The following DCLK1 variants were observed in gnomAD, a reference collection of about 807,000 sequenced individuals.
The protein encoded by DCLK1 is doublecortin like kinase 1, also known as serine/threonine-protein kinase DCLK1.
In DCLK1, 16 loss-of-function variants were observed where a neutral mutation model predicts 86.2. That is an observed-to-expected ratio of 0.19 (90% CI 0.13 to 0.28). The LOEUF (loss-of-function observed/expected upper bound fraction) is 0.28, where lower values mean the gene tolerates loss of function less well. Ranked by LOEUF, DCLK1 falls within the 10% of genes least tolerant of loss-of-function variation. DCLK1 has a pLI of 1.00. For synonymous variants in DCLK1, 369 were observed against 370.5 expected, an observed-to-expected ratio of 1.00 and a Z score of 0.05; for missense variants, 590 against 940.2, an observed-to-expected ratio of 0.63 and a Z score of 4.87.
rs189307163 is a variant in DCLK1 at position 36,046,718 on chromosome 13, G to A, written c.723+65151C>T. Among the ~76,000 whole-genome samples, 6 of 152,250 alleles carry A rather than the reference G, an allele frequency of 3.9e-5. No homozygotes were observed. In the East Asian group the frequency reaches 5.8e-4, roughly 15 times the overall value. On this transcript the variant is annotated intron_variant, in intron 3 of 16. Coordinates refer to ENST00000360631, the MANE Select transcript of DCLK1 (RefSeq NM_001330071.2). ...TCATTTCCCATTTTTAGTAACTCTC[G>A]ACTTAAAATATATGAAATAACTAAC... is the stretch of plus-strand genomic sequence containing the variant.
intron 4 of DCLK1, among the ~76,000 whole-genome samples, chr13:35,878,255 T>A (rs1488439700): frequency 6.6e-6 from 1 of 152,204 alleles, no homozygotes; most frequent in Non-Finnish European, 1.5e-5. Context: ...ATTTTCATAC[T>A]TCGCAGCAGC....
At chr13:35,909,880 T>C (rs1408860983) in intron 4 of DCLK1, among the ~76,000 whole-genome samples, 1 of 147,648 alleles carries the variant, frequency 6.8e-6, no homozygotes, top group African/African-American at 2.4e-5. Flanking sequence ...CATGAGACTT[T>C]GCCTCTCTCA....
intron 3 of DCLK1, among the ~76,000 whole-genome samples, chr13:36,056,037 C>T (rs1234931094): frequency 6.7e-6 from 1 of 148,962 alleles, no homozygotes; most frequent in Non-Finnish European, 1.5e-5. Flanking sequence ...ACTAGTTCAA[C>T]CATTGTGGAA....
In DCLK1 at chr13:35,772,627, A is replaced by C. The variant is rs2086352946; in HGVS notation, c.*1908T>G. On this transcript the variant is annotated 3_prime_UTR_variant, in exon 17 of 17. Coordinates refer to ENST00000360631, the MANE Select transcript of DCLK1 (RefSeq NM_001330071.2). ...CTCAACTAATTTACTGATTTATGCT[A>C]CTTTGTGATTTTGCGTGTTATCACT... 1 of 150,772 alleles carries C rather than the reference A, an allele frequency of 6.6e-6. No homozygotes were observed. The allele number at this position is 150,772 out of a possible 1,614,324, so 9.3% of individuals were successfully genotyped here.
intron 8 of DCLK1, 73 bp downstream of exon 8, chr13:35,835,960 T>C (rs1869338532): frequency 1.8e-6 from 2 of 1,125,692 alleles, no homozygotes; most frequent in South Asian, 1.5e-5. Context: ...AGACTGGAAA[T>C]AGAGACACAA....
chr13:35,996,415 G>A (rs1384735051), intron 3 of DCLK1, among the ~76,000 whole-genome samples: 3 of 152,208 alleles, frequency 2.0e-5, no homozygotes, highest in African/African-American at 7.2e-5. Flanking sequence ...CAGGTATGTA[G>A]TCAAGCACTA....
intron 3 of DCLK1, among the ~76,000 whole-genome samples, chr13:36,088,240 GT>G (rs1188547453): frequency 1.3e-5 from 2 of 152,206 alleles, no homozygotes; most frequent in African/African-American, 4.8e-5. Flanking sequence ...GGTGTGGCTG[GT>G]GCTGCAGACC....
rs201694528 is a variant in DCLK1, at chr13:36,125,934, G to A, written c.204C>T (p.Tyr68=). 8 of 1,614,216 alleles carry A rather than the reference G, an allele frequency of 5.0e-6. No homozygotes were observed. The African/African-American group carries it at 8.0e-5, about 16-fold the overall frequency. The change falls in exon 2 of 17, where the codon TAC becomes TAT. Residue 68 remains tyrosine (Y), a synonymous_variant. Coordinates refer to ENST00000360631, the MANE Select transcript of DCLK1 (RefSeq NM_001330071.2). ...KVRFYRNGDR[Y]FKGIVYAISP... ...AGATGGCATACACAATCCCTTTGAAGTATCGATCTCCGTTTCGATAGAAAC... is the reference window on the plus strand; with the variant it reads ...AGATGGCATACACAATCCCTTTGAAATATCGATCTCCGTTTCGATAGAAAC...
Position 35,868,242 on chromosome 13 carries a change from C to T in DCLK1, c.940+2982G>A, listed in dbSNP as rs879663924. ...TTCACTGTGTTAGCCAGGATGGTCT[C>T]GATCTCCTGACCTCATGATCCGCCT... On this transcript the variant is annotated intron_variant, in intron 5 of 16. Transcript: ENST00000360631. 4.3e-4 allele frequency among the ~76,000 whole-genome samples: 65 copies of T among 151,870 alleles called. 1 individual carries two copies. Among genetic ancestry groups the T allele is most frequent in the Admixed American group, 3.2e-3 (49 of 15,246 alleles).
At chr13:35,987,150 G>A (rs919489318) in intron 3 of DCLK1, among the ~76,000 whole-genome samples, 16 of 152,130 alleles carry the variant, frequency 1.1e-4, no homozygotes, top group African/African-American at 2.9e-4. Flanking sequence ...GGCTGGGAGC[G>A]GTGGCTCACG....
At chr13:35,842,625 T>C (rs1157502798) in intron 6 of DCLK1, among the ~76,000 whole-genome samples, 2 of 152,196 alleles carry the variant, frequency 1.3e-5, no homozygotes, top group East Asian at 1.9e-4. Flanking sequence ...ATTAATTCAC[T>C]TCAAGATCTT....
chr13:35,984,170 CTT>C (rs1879792495), intron 3 of DCLK1, among the ~76,000 whole-genome samples: 1 of 152,150 alleles, frequency 6.6e-6, no homozygotes, highest in Non-Finnish European at 1.5e-5. Context: ...AGAAAGTTCC[CTT>C]TTGTTTGCTT....
intron 3 of DCLK1, among the ~76,000 whole-genome samples, chr13:36,056,072 T>G (rs1566662624): frequency 6.9e-6 from 1 of 143,990 alleles, no homozygotes. Flanking sequence ...TCCTCAGGGA[T>G]CTAGAACTAG....
chr13:35,869,444 C>A (rs1872108254), intron 5 of DCLK1, among the ~76,000 whole-genome samples: 1 of 152,194 alleles, frequency 6.6e-6, no homozygotes, highest in South Asian at 2.1e-4. Flanking sequence ...CTCTTTTGGT[C>A]TACACATCAA....
intron 3 of DCLK1, among the ~76,000 whole-genome samples, chr13:36,086,433 T>C (rs1250775832): frequency 3.4e-5 from 5 of 146,124 alleles, no homozygotes; most frequent in Non-Finnish European, 6.0e-5. Context: ...CAGCTGGAAA[T>C]AAAATGTTTC....
intron 3 of DCLK1, among the ~76,000 whole-genome samples, chr13:36,016,953 C>A (rs942793441): frequency 6.6e-6 from 1 of 152,016 alleles, no homozygotes; most frequent in African/African-American, 2.4e-5. Context: ...GCTAGTGGCA[C>A]GAAATCAGAC....
At chr13:35,968,687 T>C (rs1432227452) in intron 3 of DCLK1, among the ~76,000 whole-genome samples, 2 of 152,020 alleles carry the variant, frequency 1.3e-5, no homozygotes, top group African/African-American at 2.4e-5. Flanking sequence ...GGCTGCGAGA[T>C]TGGGTACTGA....
chr13:35,982,340 C>T (rs1189053628), intron 3 of DCLK1, among the ~76,000 whole-genome samples: 2 of 151,142 alleles, frequency 1.3e-5, no homozygotes, highest in African/African-American at 4.9e-5. Context: ...TGATTCACAC[C>T]ACTGTACTCC....
intron 3 of DCLK1, among the ~76,000 whole-genome samples, chr13:35,975,139 C>T (rs574929379): frequency 6.6e-6 from 1 of 152,304 alleles, no homozygotes; most frequent in East Asian, 1.9e-4. Flanking sequence ...CCAATCCATC[C>T]ATGCTGCAGA....
Sources: gnomAD v4.1 joint callset for allele counts (sites outside exome capture counted in the v4.1 genomes callset) on GRCh38, gnomAD v4.1.1 for gene constraint, MANE v1.5 for transcripts, NCBI Gene and HGNC (gene_info 2026-07-23, HGNC 2026-07-21) for gene names.